The following SFMBT1 variants were observed in gnomAD, a reference collection of about 807,000 sequenced individuals.
SFMBT1 encodes the protein scm-like with four MBT domains protein 1.
In SFMBT1, 32 loss-of-function variants were observed where a neutral mutation model predicts 108.7. That is an observed-to-expected ratio of 0.29 (90% CI 0.22 to 0.40). SFMBT1 has a LOEUF of 0.40. SFMBT1 is among the 10% of genes least tolerant of loss of function. The pLI, the probability that SFMBT1 is intolerant of heterozygous loss-of-function variation, is 1.00. For synonymous variants in SFMBT1, 348 were observed against 369.5 expected, an observed-to-expected ratio of 0.94 and a Z score of 0.67; for missense variants, 816 against 1,059.6, an observed-to-expected ratio of 0.77 and a Z score of 3.19.
At chr3:53,003,458 T>C (rs1240301073) in intron 1 of SFMBT1, among the ~76,000 whole-genome samples, 1 of 150,244 alleles carries the variant, frequency 6.7e-6, no homozygotes, top group Non-Finnish European at 1.5e-5. Context: ...TGAACGTGCA[T>C]GAGAGCAAAG....
intron 1 of SFMBT1, among the ~76,000 whole-genome samples, chr3:53,028,475 A>G (rs1170727824): frequency 6.6e-6 from 1 of 152,236 alleles, no homozygotes; most frequent in East Asian, 1.9e-4. Context: ...TCAACTCTAC[A>G]AGTCACATCT....
intron 1 of SFMBT1, among the ~76,000 whole-genome samples, chr3:52,990,709 GGAAA>G (rs1430740962): frequency 6.6e-6 from 1 of 152,034 alleles, no homozygotes; most frequent in African/African-American, 2.4e-5. Flanking sequence ...AAGGATGGAT[GGAAA>G]GAAGGAAGGA....
intron 1 of SFMBT1, among the ~76,000 whole-genome samples, chr3:52,987,975 A>C (rs918465396): frequency 8.5e-5 from 13 of 152,266 alleles, no homozygotes; most frequent in African/African-American, 3.1e-4. Context: ...AAGGCTAAAA[A>C]AATCAGTGTA....
intron 3 of SFMBT1, among the ~76,000 whole-genome samples, chr3:52,948,815 C>G (rs1703467951): frequency 1.4e-5 from 1 of 73,518 alleles, no homozygotes; most frequent in South Asian, 7.6e-4. Flanking sequence ...CCATGCCTGG[C>G]TAATTTTTAA....
chr3:53,014,815 T>C (rs893745574), intron 1 of SFMBT1, among the ~76,000 whole-genome samples: 1 of 152,140 alleles, frequency 6.6e-6, no homozygotes, highest in African/African-American at 2.4e-5. Flanking sequence ...AGCATAAATG[T>C]TAATACAGCA....
chr3:52,955,466 TAAAG>T (rs1703748475), intron 2 of SFMBT1, among the ~76,000 whole-genome samples: 1 of 150,330 alleles, frequency 6.7e-6, no homozygotes, highest in Non-Finnish European at 1.5e-5. Context: ...ACTAGACTAA[TAAAG>T]AAGAAAAAAG....
At chr3:52,943,879 C>T (rs1314844480) in intron 3 of SFMBT1, among the ~76,000 whole-genome samples, 1 of 152,118 alleles carries the variant, frequency 6.6e-6, no homozygotes, top group African/African-American at 2.4e-5. Flanking sequence ...TTACTAGTCA[C>T]CATTTTAATA....
At chr3:53,035,321 G>A (rs1049837116) in intron 1 of SFMBT1, among the ~76,000 whole-genome samples, 5 of 150,024 alleles carry the variant, frequency 3.3e-5, no homozygotes, top group African/African-American at 1.2e-4. Flanking sequence ...CCAAATGTGG[G>A]ATTTTATGTG....
chr3:53,003,049 G>C (rs1052756309), intron 1 of SFMBT1, among the ~76,000 whole-genome samples: 4 of 144,268 alleles, frequency 2.8e-5, no homozygotes, highest in African/African-American at 1.0e-4. Context: ...TTGAACCCAG[G>C]AGGCAGAGGC....
intron 1 of SFMBT1, among the ~76,000 whole-genome samples, chr3:52,982,729 C>CAAAAAAAAAAAAAAAAAAAAGAAAAA (rs1704756692): frequency 1.4e-5 from 1 of 69,124 alleles, no homozygotes; most frequent in African/African-American, 6.4e-5. Flanking sequence ...ACTCCCATCT[C>CAAAAAAAAAAAAAAAAAAAAGAAAAA]AAAAAAAAAA....
chr3:52,932,444 C>G, intron 5 of SFMBT1, 136 bp from the exon 6 acceptor site: 1 of 792,594 alleles, frequency 1.3e-6, no homozygotes, highest in Non-Finnish European at 2.0e-6. Context: ...AATTGTCTAT[C>G]ATCATACAAG....
chr3:53,024,528 G>A (rs1228933915), intron 1 of SFMBT1, among the ~76,000 whole-genome samples: 1 of 152,216 alleles, frequency 6.6e-6, no homozygotes, highest in Non-Finnish European at 1.5e-5. Context: ...TCTGAGCAGA[G>A]TAACATCATC....
At position 53,031,157 on chromosome 3, in the gene SFMBT1, T is replaced by A. The variant is rs911387495; in HGVS notation, c.-131+14659A>T. On this transcript the variant is annotated intron_variant, in intron 1 of 20. Coordinates refer to ENST00000394752, the MANE Select transcript of SFMBT1 (RefSeq NM_016329.4). ...CATCAGCAATCCCACATTAAGTGCA[T>A]TGATTCCATTAACAACAGTGGGAGG... is the stretch of plus-strand genomic sequence containing the variant. 2.0e-5 allele frequency among the ~76,000 whole-genome samples: 3 copies of A among 152,220 alleles called. No homozygotes were observed. In the South Asian group the frequency reaches 6.2e-4, roughly 32 times the overall value.
chr3:53,037,795 A>C (rs1699914322), intron 1 of SFMBT1, among the ~76,000 whole-genome samples: 2 of 152,128 alleles, frequency 1.3e-5, no homozygotes, highest in Non-Finnish European at 2.9e-5. Context: ...GACAACACTG[A>C]GAGACCCCAT....
At chr3:52,992,856 T>A (rs1182817925) in intron 1 of SFMBT1, among the ~76,000 whole-genome samples, 1 of 152,222 alleles carries the variant, frequency 6.6e-6, no homozygotes, top group East Asian at 1.9e-4. Flanking sequence ...GCCTACCTGC[T>A]CCTCAGGGTC....
chr3:53,025,183 A>C (rs1699446041), intron 1 of SFMBT1, among the ~76,000 whole-genome samples: 1 of 152,188 alleles, frequency 6.6e-6, no homozygotes, highest in East Asian at 1.9e-4. Context: ...TCAAAATGTA[A>C]ATTTTCTAGA....
At chr3:53,004,970 A>G (rs1698688684) in intron 1 of SFMBT1, among the ~76,000 whole-genome samples, 2 of 152,230 alleles carry the variant, frequency 1.3e-5, no homozygotes, top group African/African-American at 4.8e-5. Flanking sequence ...CAAAATGCAC[A>G]ATTAGTATAA....
In SFMBT1 at chr3:53,014,335, C is replaced by T. The variant is rs6798511; in HGVS notation, c.-131+31481G>A. On this transcript the variant is annotated intron_variant, in intron 1 of 20. Coordinates refer to ENST00000394752, the MANE Select transcript of SFMBT1 (RefSeq NM_016329.4). The stretch of plus-strand genomic sequence containing the variant: ...TAGAAAGTTTTTAGGTGAGGCGCAG[C>T]GGCTCATGCCTGTAATGCCAGCACT... Among the ~76,000 whole-genome samples, 1,180 of 152,100 alleles carry T rather than the reference C, an allele frequency of 7.8e-3. 14 individuals are homozygous for T. The highest frequency in any genetic ancestry group is 0.013 in the Non-Finnish European group (854 of 67,984).
intron 17 of SFMBT1, among the ~76,000 whole-genome samples, chr3:52,908,255 G>A (rs1481174502): frequency 6.6e-6 from 1 of 151,552 alleles, no homozygotes; most frequent in Non-Finnish European, 1.5e-5. Context: ...TATACTTTTA[G>A]TAGAGACGGG....
Sources: gnomAD v4.1 joint callset for allele counts (sites outside exome capture counted in the v4.1 genomes callset) on GRCh38, gnomAD v4.1.1 for gene constraint, MANE v1.5 for transcripts, NCBI Gene and HGNC (gene_info 2026-07-23, HGNC 2026-07-21) for gene names.